Variants in KLHL32 observed in about 807,000 individuals in gnomAD.
KLHL32 encodes kelch like family member 32.
A neutral mutation model predicts 64.8 loss-of-function variants in KLHL32; 35 were observed. The ratio of observed to expected loss-of-function variants is 0.54; its 90% CI spans 0.41 to 0.72. KLHL32 has a LOEUF of 0.72. Among genes scored for constraint, KLHL32 ranks in the 30% least tolerant of loss-of-function variants. KLHL32 has a pLI of 0.00. For synonymous variants in KLHL32, 259 were observed against 281.0 expected (o/e 0.92, Z 0.78); for missense variants, 589 against 768.5 (o/e 0.77, Z 2.76).
At chr6:97,093,449 A>G (rs1206132) in intron 6 of KLHL32, among the ~76,000 whole-genome samples, 17,883 of 152,210 alleles carry the variant, frequency 0.12, 1,105 homozygotes, top group Non-Finnish European at 0.14. Flanking sequence ...TATAGATTTC[A>G]ATGGAGGTCT....
At chr6:97,135,703 G>A (rs1041839082) in intron 10 of KLHL32, among the ~76,000 whole-genome samples, 4 of 152,174 alleles carry the variant, frequency 2.6e-5, no homozygotes, top group African/African-American at 7.2e-5. Context: ...CATGGATAGT[G>A]ACATGTATCT....
intron 4 of KLHL32, among the ~76,000 whole-genome samples, chr6:97,046,964 T>C (rs774053652): frequency 6.6e-6 from 1 of 152,246 alleles, no homozygotes. Context: ...AGTTGTAATA[T>C]GCATAGTATG....
chr6:97,084,700 A>G (rs1290866409), intron 5 of KLHL32, among the ~76,000 whole-genome samples: 3 of 152,188 alleles, frequency 2.0e-5, no homozygotes, highest in South Asian at 2.1e-4. Context: ...CTGTCTTCAA[A>G]TAGTTTATGT....
At chr6:97,033,754 C>T (rs187192044) in intron 3 of KLHL32, among the ~76,000 whole-genome samples, 3 of 152,108 alleles carry the variant, frequency 2.0e-5, no homozygotes, top group Admixed American at 2.0e-4. Context: ...GTGGTTTTTA[C>T]TTGCTTTTCC....
chr6:96,963,302 T>A (rs773942561), intron 1 of KLHL32, among the ~76,000 whole-genome samples: 51 of 152,292 alleles, frequency 3.3e-4, no homozygotes, highest in Admixed American at 1.4e-3. Flanking sequence ...CTGGGAAAAG[T>A]ACTGTAAACA....
At chr6:96,966,046 G>A (rs1042693486) in intron 1 of KLHL32, among the ~76,000 whole-genome samples, 2 of 152,182 alleles carry the variant, frequency 1.3e-5, no homozygotes, top group Admixed American at 1.3e-4. Flanking sequence ...CACTCAGATT[G>A]TAAATCATAG....
At chr6:96,985,549 T>A (rs542891225) in intron 3 of KLHL32, among the ~76,000 whole-genome samples, 3 of 152,314 alleles carry the variant, frequency 2.0e-5, no homozygotes, top group African/African-American at 7.2e-5. Context: ...AGTCCCATAT[T>A]TCTTGGAGGC....
chr6:97,107,074 C>T (rs188679546), intron 6 of KLHL32, among the ~76,000 whole-genome samples: 13 of 152,236 alleles, frequency 8.5e-5, no homozygotes, highest in African/African-American at 2.4e-4. Context: ...GGGCGGATCA[C>T]GAGGTCAGGA....
chr6:97,132,673 G>T lies in KLHL32; in HGVS notation c.1627G>T (p.Ala543Ser), dbSNP rs1365703410. ...TTTAGGCCAAAATGAATCTGGAGTT[G>T]CTGTCCATAATGGGAGAATATATTT... is the stretch of plus-strand genomic sequence containing the variant. ...LLTGQNESGVAVHNGRIYLVG... is the reference protein window; with the variant it reads ...LLTGQNESGVSVHNGRIYLVG... Residue 543 changes from alanine to serine, a missense_variant, in exon 10 of 11, where the codon GCT becomes TCT. By Grantham distance (99) the Ala-to-Ser change is moderately conservative. This residue lies in a region of KLHL32 where 172 missense variants were observed against 192.0 expected (regional missense o/e 0.90). Coordinates refer to ENST00000369261, the MANE Select transcript of KLHL32 (RefSeq NM_052904.4). 1 of 1,611,450 alleles carries T rather than the reference G, an allele frequency of 6.2e-7. No homozygotes were observed. The highest frequency in any genetic ancestry group is 1.7e-5 in the Admixed American group (1 of 59,776).
intron 4 of KLHL32, among the ~76,000 whole-genome samples, chr6:97,056,319 A>C (rs1257470923): frequency 6.6e-6 from 1 of 151,790 alleles, no homozygotes. Context: ...GTTAGCCAGG[A>C]TGGTCTTGAT....
intron 6 of KLHL32, among the ~76,000 whole-genome samples, chr6:97,103,841 G>T (rs532857822): frequency 6.6e-6 from 1 of 152,214 alleles, no homozygotes; most frequent in Admixed American, 6.5e-5. Flanking sequence ...CTGTGACTTG[G>T]GTACTAGATT....
At chr6:97,012,694 A>C (rs1292528121) in intron 3 of KLHL32, among the ~76,000 whole-genome samples, 1 of 152,198 alleles carries the variant, frequency 6.6e-6, no homozygotes, top group African/African-American at 2.4e-5. Flanking sequence ...CATTTCTGTA[A>C]TCCTGGTCTC....
intron 8 of KLHL32, among the ~76,000 whole-genome samples, chr6:97,130,483 C>A (rs1007493490): frequency 2.0e-5 from 3 of 152,124 alleles, no homozygotes; most frequent in Non-Finnish European, 4.4e-5. Flanking sequence ...TTTCAATGTT[C>A]CCCTGATGTA....
intron 1 of KLHL32, among the ~76,000 whole-genome samples, chr6:96,942,887 C>G (rs1018584984): frequency 6.6e-6 from 1 of 152,080 alleles, no homozygotes; most frequent in Non-Finnish European, 1.5e-5. Flanking sequence ...TTCGATCAAG[C>G]CTGAGTAATG....
chr6:97,098,815 A>T (rs1178239131), intron 6 of KLHL32, among the ~76,000 whole-genome samples: 2 of 152,234 alleles, frequency 1.3e-5, no homozygotes, highest in African/African-American at 4.8e-5. Flanking sequence ...CCTCAGGGAT[A>T]CTTCATAAAA....
chr6:97,072,190 A>G (rs1790852068), intron 5 of KLHL32, among the ~76,000 whole-genome samples: 1 of 152,090 alleles, frequency 6.6e-6, no homozygotes, highest in African/African-American at 2.4e-5. Context: ...GAGACCTTTC[A>G]GCCCCACCCC....
At chr6:96,946,288 G>T (rs1276604787) in intron 1 of KLHL32, among the ~76,000 whole-genome samples, 8 of 151,850 alleles carry the variant, frequency 5.3e-5, no homozygotes, top group Non-Finnish European at 8.8e-5. Flanking sequence ...ATTTTTTAAC[G>T]TGAATCCTTC....
chr6:96,992,128 C>T (rs1042889002), intron 3 of KLHL32, among the ~76,000 whole-genome samples: 2 of 152,228 alleles, frequency 1.3e-5, no homozygotes, highest in African/African-American at 4.8e-5. Context: ...CTGCTCAGCC[C>T]TGTGGATTTG....
chr6:97,017,793 G>T (rs1195009165), intron 3 of KLHL32, among the ~76,000 whole-genome samples: 3 of 152,104 alleles, frequency 2.0e-5, no homozygotes, highest in Non-Finnish European at 4.4e-5. Flanking sequence ...GGACACAATG[G>T]TTATGAAACA....
Sources: allele counts gnomAD v4.1 joint callset (sites outside exome capture counted in the v4.1 genomes callset), GRCh38; gene constraint gnomAD v4.1.1; regional missense constraint gnomAD v4.1.1; transcripts MANE v1.5; gene names NCBI Gene and HGNC (gene_info 2026-07-23, HGNC 2026-07-21).